DOCK9: variants seen among roughly 807,000 people sequenced by gnomAD.
DOCK9 encodes dedicator of cytokinesis 9.
DOCK9 carries 89 observed loss-of-function variants against 263.3 expected under a neutral mutation model. That is an observed-to-expected ratio of 0.34 (90% CI 0.28 to 0.40). The LOEUF is 0.40. DOCK9 is among the 10% of genes least tolerant of loss of function. The pLI, the probability that DOCK9 is intolerant of heterozygous loss-of-function variation, is 1.00. For synonymous variants in DOCK9, 976 were observed against 973.1 expected (o/e 1.00, Z -0.06); for missense variants, 2,140 against 2,603.4 (o/e 0.82, Z 3.87).
chr13:98,809,165 A>G, intron 47 of DOCK9, 187 bp downstream of exon 47: 1 of 1,504,360 alleles, frequency 6.6e-7, no homozygotes, highest in Non-Finnish European at 9.0e-7. Context: ...GGAAGAAAGA[A>G]AAAAAGCAGA....
chr13:99,013,802 C>A (rs1884937217), intron 1 of DOCK9, among the ~76,000 whole-genome samples: 1 of 152,138 alleles, frequency 6.6e-6, no homozygotes, highest in Non-Finnish European at 1.5e-5. Context: ...CTGCATTTGA[C>A]CCTGAGCTGC....
At chr13:98,973,244 C>T (rs534617617) in intron 1 of DOCK9, among the ~76,000 whole-genome samples, 31 of 152,342 alleles carry the variant, frequency 2.0e-4, no homozygotes, top group South Asian at 1.4e-3. Context: ...CAATCACAGT[C>T]ACCTAAAGTC....
rs546650708 is a variant in DOCK9 at position 98,914,558 on chromosome 13, A to T, written c.893-163T>A. Among the ~76,000 whole-genome samples the T allele has an allele frequency of 3.3e-4, 51 of 152,282 alleles. 1 individual carries two copies. Among genetic ancestry groups the T allele is most frequent in the African/African-American group, 1.2e-3 (51 of 41,552 alleles). ...CTTGGGGTGCTTTGAAAAAATACTGATCCACAGGCTCAGTGATGAAAGTCA... is the reference window on the plus strand; with the variant it reads ...CTTGGGGTGCTTTGAAAAAATACTGTTCCACAGGCTCAGTGATGAAAGTCA... On this transcript the variant is annotated intron_variant, in intron 8 of 52. Coordinates refer to ENST00000682017, the MANE Select transcript of DOCK9 (RefSeq NM_001366683.2).
intron 2 of DOCK9, among the ~76,000 whole-genome samples, chr13:98,943,771 T>C (rs1181344179): frequency 6.6e-6 from 1 of 152,222 alleles, no homozygotes; most frequent in Non-Finnish European, 1.5e-5. Flanking sequence ...TACAGCTTTC[T>C]AGTCTCATGG....
intron 1 of DOCK9, 127 bp from the exon 2 acceptor site, chr13:98,955,678 C>T: frequency 1.6e-6 from 1 of 636,014 alleles, no homozygotes; most frequent in Non-Finnish European, 2.7e-6. Context: ...TTTGGTATCA[C>T]AAAGAAACAG....
chr13:98,950,609 G>A (rs1031459073), intron 2 of DOCK9, among the ~76,000 whole-genome samples: 6 of 152,106 alleles, frequency 3.9e-5, no homozygotes, highest in South Asian at 2.1e-4. Context: ...GGCCCAACAC[G>A]CTCTTTTTAT....
intron 36 of DOCK9, among the ~76,000 whole-genome samples, chr13:98,849,599 A>G (rs1477902068): frequency 6.6e-6 from 1 of 152,180 alleles, no homozygotes; most frequent in Non-Finnish European, 1.5e-5. Context: ...TAAAGAGCTT[A>G]AAGGAAATCA....
Position 98,941,653 on chromosome 13 carries a change from G to C in DOCK9, c.244-11396C>G, listed in dbSNP as rs568447022. ...CTACTGCACAGCTGAGGACAGGAGA[G>C]TTACCCAGAAAACCAGGAGTAGCCT... On this transcript the variant is annotated intron_variant, in intron 2 of 52. Coordinates refer to ENST00000682017, the MANE Select transcript of DOCK9 (RefSeq NM_001366683.2). 2.0e-5 allele frequency among the ~76,000 whole-genome samples: 3 copies of C among 152,286 alleles called. No homozygotes were observed. The East Asian group carries it at 5.8e-4, about 29-fold the overall frequency.
At chr13:98,978,244 A>C (rs1875817071), upstream of DOCK9, among the ~76,000 whole-genome samples, 1 of 152,256 alleles carries the variant, frequency 6.6e-6, no homozygotes, top group African/African-American at 2.4e-5. Context: ...GCGTGGGCCA[A>C]ATCAATCGGA....
chr13:98,937,949 G>C (rs1000138590), intron 2 of DOCK9, among the ~76,000 whole-genome samples: 5 of 152,248 alleles, frequency 3.3e-5, no homozygotes, highest in African/African-American at 1.2e-4. Flanking sequence ...CTGGGCAGCA[G>C]GGCAGGCCCA....
In DOCK9 at chr13:98,863,377, G is replaced by A; in HGVS notation, c.3458C>T (p.Ala1153Val). ...CCATTGGGGACCACTCACCCTTGAA[G>A]CATATCTGTCATCAAAAGAATGCTT... The part of the protein sequence containing the change: ...LIKHSFDDRY[A>V]SRSHQARIAT... Residue 1153 changes from alanine (A) to valine (V), a missense_variant, in exon 31 of 53, where the codon GCT becomes GTT. Ala to Val is a moderately conservative substitution (Grantham distance 64). Around this residue, in one of 2 missense-constraint regions of DOCK9, gnomAD observed 1,521 missense variants for 1,741.7 expected, o/e 0.87. Coordinates refer to ENST00000682017, the MANE Select transcript of DOCK9 (RefSeq NM_001366683.2). The A allele has an allele frequency of 8.1e-6, 13 of 1,613,636 alleles. No individual in the cohort carries two copies. The highest frequency in any genetic ancestry group is 8.5e-6 in the Non-Finnish European group (10 of 1,179,742).
At chr13:98,940,211 A>G (rs6491470) in intron 2 of DOCK9, among the ~76,000 whole-genome samples, 147,656 of 152,282 alleles carry the variant, frequency 0.97, 71,744 homozygotes, top group East Asian at 1. Context: ...TTCTATTAAC[A>G]TCAGACAAAT....
intron 9 of DOCK9, among the ~76,000 whole-genome samples, chr13:98,911,070 C>A (rs192759802): frequency 1.1e-4 from 16 of 152,298 alleles, no homozygotes; most frequent in African/African-American, 3.6e-4. Flanking sequence ...CCCCTTACTG[C>A]CTGGGCTGCT....
chr13:98,862,692 A>G (rs201235442), intron 32 of DOCK9, among the ~76,000 whole-genome samples: 39 of 67,552 alleles, frequency 5.8e-4, no homozygotes, highest in African/African-American at 1.5e-3. Flanking sequence ...TATCTTGGGG[A>G]AAAAAAAAAA....
chr13:98,826,427 C>A (rs1044448020), intron 44 of DOCK9, among the ~76,000 whole-genome samples: 8 of 152,208 alleles, frequency 5.3e-5, no homozygotes, highest in African/African-American at 1.9e-4. Context: ...CCTTCTTAGA[C>A]AATAAAGCCA....
At chr13:98,816,813 G>A (rs2140427267) in intron 45 of DOCK9, among the ~76,000 whole-genome samples, 1 of 152,076 alleles carries the variant, frequency 6.6e-6, no homozygotes, top group South Asian at 2.1e-4. Context: ...AGAGGGTGAA[G>A]GCAGCACAGC....
intron 1 of DOCK9, among the ~76,000 whole-genome samples, chr13:98,958,526 C>G (rs1168207065): frequency 6.6e-6 from 1 of 152,264 alleles, no homozygotes; most frequent in Non-Finnish European, 1.5e-5. Flanking sequence ...CTTACAGTTT[C>G]TGTCACAACT....
intron 7 of DOCK9, among the ~76,000 whole-genome samples, chr13:98,920,374 TA>T (rs1566966093): frequency 6.6e-6 from 1 of 152,226 alleles, no homozygotes. Context: ...CTAAGCTTTT[TA>T]CATGTGTAAT....
At chr13:98,893,690 AGCCGGTGCCCAG>A (rs1191127109) in intron 15 of DOCK9, among the ~76,000 whole-genome samples, 1 of 152,224 alleles carries the variant, frequency 6.6e-6, no homozygotes, top group African/African-American at 2.4e-5. Flanking sequence ...TTTGGATCCA[AGCCGGTGCCCAG>A]GCCACTGACA....
Sources: allele counts gnomAD v4.1 joint callset (sites outside exome capture counted in the v4.1 genomes callset), GRCh38; gene constraint gnomAD v4.1.1; regional missense constraint gnomAD v4.1.1; transcripts MANE v1.5; gene names NCBI Gene and HGNC (gene_info 2026-07-23, HGNC 2026-07-21).